The following PTPRD variants were observed in gnomAD, a reference collection of about 807,000 sequenced individuals.
PTPRD encodes the protein receptor-type tyrosine-protein phosphatase delta.
In PTPRD, 34 loss-of-function variants were observed where a neutral mutation model predicts 214.5. The ratio of observed to expected loss-of-function variants is 0.16; its 90% CI spans 0.12 to 0.21. The LOEUF is 0.21. Among genes scored for constraint, PTPRD ranks in the 10% least tolerant of loss-of-function variants. The pLI, the probability that PTPRD is intolerant of heterozygous loss-of-function variation, is 1.00. For missense variants in PTPRD, 2,545 were observed against 2,398.7 expected (o/e 1.06, Z -1.27); for synonymous variants, 1,128 against 845.7 (o/e 1.33, Z -5.79).
intron 8 of PTPRD, among the ~76,000 whole-genome samples, chr9:9,482,940 T>A (rs948846787): frequency 1.3e-5 from 2 of 152,192 alleles, no homozygotes; most frequent in Admixed American, 1.3e-4. Flanking sequence ...TTTAAATAGT[T>A]TCTTAAGTAA....
At chr9:8,342,162 C>T (rs911077662) in intron 39 of PTPRD, among the ~76,000 whole-genome samples, 184 bp from the exon 40 acceptor site, 1 of 151,858 alleles carries the variant, frequency 6.6e-6, no homozygotes, top group African/African-American at 2.4e-5. Flanking sequence ...AATCAGAGGA[C>T]AGGGAACAAA....
intron 4 of PTPRD, among the ~76,000 whole-genome samples, chr9:9,940,228 T>C (rs1353842212): frequency 6.6e-6 from 1 of 151,904 alleles, no homozygotes. Context: ...GGTTTGGGAG[T>C]CACAGGTAGC....
chr9:8,846,324 C>A (rs755052849), intron 11 of PTPRD, among the ~76,000 whole-genome samples: 5 of 152,110 alleles, frequency 3.3e-5, no homozygotes, highest in African/African-American at 1.2e-4. Context: ...GAATACTCAA[C>A]GATAACATCC....
chr9:9,762,691 G>A (rs2098669603), intron 6 of PTPRD, among the ~76,000 whole-genome samples: 1 of 152,268 alleles, frequency 6.6e-6, no homozygotes, highest in Non-Finnish European at 1.5e-5. Flanking sequence ...TTCTACATAA[G>A]ACTTCATCAG....
intron 5 of PTPRD, among the ~76,000 whole-genome samples, chr9:9,768,799 G>C (rs190805566): frequency 7.9e-5 from 12 of 152,298 alleles, no homozygotes; most frequent in East Asian, 5.8e-4. Flanking sequence ...TGAATAGTCA[G>C]CATTACTGCC....
At chr9:9,894,169 CT>C (rs1215618257) in intron 5 of PTPRD, among the ~76,000 whole-genome samples, 3 of 152,024 alleles carry the variant, frequency 2.0e-5, no homozygotes, top group Non-Finnish European at 4.4e-5. Context: ...AAGATAATAT[CT>C]ATCATTTCTC....
At chr9:9,793,593 T>C (rs1162746470) in intron 5 of PTPRD, among the ~76,000 whole-genome samples, 1 of 152,134 alleles carries the variant, frequency 6.6e-6, no homozygotes, top group Non-Finnish European at 1.5e-5. Context: ...GCATAAATTA[T>C]TTATTCAGAA....
At chr9:9,654,523 A>G (rs1473041182) in intron 7 of PTPRD, among the ~76,000 whole-genome samples, 1 of 152,162 alleles carries the variant, frequency 6.6e-6, no homozygotes, top group African/African-American at 2.4e-5. Context: ...TAGGTGTTAT[A>G]AAGACTACTG....
At chr9:8,340,959 C>G in intron 41 of PTPRD, 131 bp downstream of exon 41, 1 of 906,646 alleles carries the variant, frequency 1.1e-6, no homozygotes, top group Non-Finnish European at 1.6e-6. Context: ...AAAACAAATA[C>G]CAAGGGACTA....
At chr9:9,069,746 A>T (rs2154407629) in intron 10 of PTPRD, among the ~76,000 whole-genome samples, 1 of 152,350 alleles carries the variant, frequency 6.6e-6, no homozygotes, top group Non-Finnish European at 1.5e-5. Flanking sequence ...GATGAAGGAA[A>T]CATGTATACC....
At chr9:10,358,442 T>C (rs1462249487) in intron 2 of PTPRD, among the ~76,000 whole-genome samples, 2 of 151,208 alleles carry the variant, frequency 1.3e-5, no homozygotes, top group African/African-American at 4.9e-5. Context: ...GCAATCTTTG[T>C]TTTAACATCT....
At chr9:10,396,666 T>C (rs1051887268) in intron 2 of PTPRD, among the ~76,000 whole-genome samples, 1 of 151,978 alleles carries the variant, frequency 6.6e-6, no homozygotes, top group Non-Finnish European at 1.5e-5. Context: ...AAGCACCTTC[T>C]TAATGAGATT....
intron 9 of PTPRD, among the ~76,000 whole-genome samples, chr9:9,394,277 C>G (rs536961535): frequency 6.7e-4 from 102 of 152,084 alleles, no homozygotes; most frequent in South Asian, 1.2e-3. Context: ...TCTGGTTGTT[C>G]TAAAAATAAG....
At chr9:8,422,084 C>T (rs1205255063) in intron 35 of PTPRD, among the ~76,000 whole-genome samples, 1 of 131,516 alleles carries the variant, frequency 7.6e-6, no homozygotes, top group Non-Finnish European at 1.5e-5. Flanking sequence ...GAGGCAGAGG[C>T]TGCCGTGAAC....
chr9:8,711,934 G>T (rs1345049585), intron 12 of PTPRD, among the ~76,000 whole-genome samples: 1 of 152,208 alleles, frequency 6.6e-6, no homozygotes, highest in East Asian at 1.9e-4. Flanking sequence ...TCTGCTCAGT[G>T]AAAGAAGCCA....
rs1011375090 is a variant in PTPRD at position 8,315,316 on chromosome 9, C to A, written c.*2558G>T. On this transcript the variant is annotated 3_prime_UTR_variant, in exon 46 of 46. Coordinates refer to ENST00000381196, the MANE Select transcript of PTPRD (RefSeq NM_002839.4). ...CTTCTTCTGATTATTGTCATCTTTC[C>A]CTTTGCCAAATGGGCAGTTATTGTT... 2 of 232,608 alleles carry A rather than the reference C, an allele frequency of 8.6e-6. No individual in the cohort carries two copies. Among genetic ancestry groups the A allele is most frequent in the Non-Finnish European group, 1.7e-5 (2 of 117,402 alleles). The allele number at this position is 232,608 out of a possible 1,614,324, so 14.4% of individuals were successfully genotyped here. A position where few individuals can be genotyped will look rare whatever the true frequency, so the allele number is the denominator to read the frequency against.
chr9:8,479,510 A>G (rs1305661422), intron 30 of PTPRD, among the ~76,000 whole-genome samples: 1 of 152,220 alleles, frequency 6.6e-6, no homozygotes, highest in African/African-American at 2.4e-5. Flanking sequence ...CAAATATAGA[A>G]GCGGAAAGTG....
intron 8 of PTPRD, among the ~76,000 whole-genome samples, chr9:9,492,346 A>T (rs2095951817): frequency 6.7e-6 from 1 of 150,200 alleles, no homozygotes; most frequent in Admixed American, 6.6e-5. Flanking sequence ...AAAAAAACTA[A>T]CATAAATTCT....
At chr9:9,655,398 C>A (rs1394570739) in intron 7 of PTPRD, among the ~76,000 whole-genome samples, 1 of 151,730 alleles carries the variant, frequency 6.6e-6, no homozygotes, top group African/African-American at 2.4e-5. Context: ...GGTGAAACCC[C>A]GTCTGTACTA....
Sources: gnomAD v4.1 joint callset for allele counts (sites outside exome capture counted in the v4.1 genomes callset) on GRCh38, gnomAD v4.1.1 for gene constraint, MANE v1.5 for transcripts, NCBI Gene and HGNC (gene_info 2026-07-23, HGNC 2026-07-21) for gene names.